AVEN: variants seen among roughly 807,000 people sequenced by gnomAD.
The protein encoded by AVEN is cell death regulator Aven.
A neutral mutation model predicts 38.1 loss-of-function variants in AVEN; 41 were observed. The ratio of observed to expected loss-of-function variants is 1.08; its 90% confidence interval spans 0.84 to 1.40. AVEN has a LOEUF of 1.40. AVEN is among the 40% of genes most tolerant of loss of function. The probability of loss-of-function intolerance (pLI) is 0.00; values close to 1 mark genes in which losing one functional copy is unlikely to be tolerated. For synonymous variants in AVEN, 206 were observed against 171.8 expected, an observed-to-expected ratio of 1.20 and a Z score of -1.56; for missense variants, 605 against 438.8, an observed-to-expected ratio of 1.38 and a Z score of -3.38.
chr15:33,966,355 G>C (rs1485579341), intron 2 of AVEN, among the ~76,000 whole-genome samples: 1 of 152,154 alleles, frequency 6.6e-6, no homozygotes, highest in Non-Finnish European at 1.5e-5. Flanking sequence ...CTTTCAAAAA[G>C]TGATTGGCAC....
chr15:33,861,679 G>C (rs1187305239), downstream of AVEN, among the ~76,000 whole-genome samples: 2 of 152,072 alleles, frequency 1.3e-5, no homozygotes, highest in Non-Finnish European at 2.9e-5. Flanking sequence ...ATTGGGTCTT[G>C]TCAAAGGGGC....
At chr15:33,917,486 TAC>T (rs1249762368) in intron 2 of AVEN, among the ~76,000 whole-genome samples, 7 of 63,764 alleles carry the variant, frequency 1.1e-4, no homozygotes, top group Non-Finnish European at 3.6e-4. Flanking sequence ...CATGGGATAC[TAC>T]ATATATATAC....
intron 11 of AVEN, among the ~76,000 whole-genome samples, chr15:33,860,867 G>A (rs984791722): frequency 3.9e-5 from 6 of 152,140 alleles, no homozygotes; most frequent in Admixed American, 6.5e-5. Flanking sequence ...ATAGGAGGGA[G>A]CAGTATCCTC....
chr15:34,022,350 T>G (rs770863282), intron 1 of AVEN, among the ~76,000 whole-genome samples: 7 of 152,244 alleles, frequency 4.6e-5, no homozygotes, highest in Non-Finnish European at 8.8e-5. Context: ...ATCTCCCTTC[T>G]GCAGCTCTTT....
Position 33,935,163 on chromosome 15 carries a change from T to C in AVEN, c.446-59168A>G, listed in dbSNP as rs149304451. Among the ~76,000 whole-genome samples the C allele has an allele frequency of 1.0e-3, 154 of 152,280 alleles. 1 individual carries two copies. Among genetic ancestry groups the C allele is most frequent in the African/African-American group, 3.5e-3 (147 of 41,562 alleles). On this transcript the variant is annotated intron_variant, in intron 2 of 5. Transcript: ENST00000306730. The stretch of plus-strand genomic sequence containing the variant: ...CTTTCTCCTATTTTGAACCACAATA[T>C]ACAAACTGAAAATCCTGAGACACTT...
chr15:34,053,130 T>C (rs1899990831), intron 5 of AVEN, among the ~76,000 whole-genome samples: 2 of 151,190 alleles, frequency 1.3e-5, no homozygotes, highest in African/African-American at 4.9e-5. Flanking sequence ...TGAAACCCCA[T>C]CTCTACTAAA....
At chr15:34,009,388 CTT>C (rs1373372897) in intron 1 of AVEN, among the ~76,000 whole-genome samples, 1 of 152,120 alleles carries the variant, frequency 6.6e-6, no homozygotes, top group African/African-American at 2.4e-5. Context: ...TATTTCTTCT[CTT>C]GTCTTCCCTT....
intron 2 of AVEN, among the ~76,000 whole-genome samples, chr15:33,983,382 C>A (rs1277137731): frequency 6.6e-6 from 1 of 151,838 alleles, no homozygotes; most frequent in Non-Finnish European, 1.5e-5. Context: ...TAACCCCATT[C>A]AGTTAACATA....
intron 1 of AVEN, among the ~76,000 whole-genome samples, chr15:34,008,877 G>A (rs1431162757): frequency 1.3e-5 from 2 of 151,636 alleles, no homozygotes; most frequent in African/African-American, 2.4e-5. Flanking sequence ...AAAGCTAAAA[G>A]CCAAAAACAA....
At chr15:33,993,651 TTAAACCAACATAA>T (rs1896817864) in intron 2 of AVEN, among the ~76,000 whole-genome samples, 1 of 152,146 alleles carries the variant, frequency 6.6e-6, no homozygotes, top group Non-Finnish European at 1.5e-5. Context: ...AGAATAATTA[TTAAACCAACATAA>T]ATAACAATCA....
intron 2 of AVEN, among the ~76,000 whole-genome samples, chr15:33,925,289 G>A (rs1443207239): frequency 2.0e-5 from 3 of 152,120 alleles, no homozygotes; most frequent in Non-Finnish European, 2.9e-5. Flanking sequence ...ATTAGATGGG[G>A]AGACATCTAC....
At chr15:34,003,682 A>G (rs774822559) in intron 1 of AVEN, among the ~76,000 whole-genome samples, 1 of 152,236 alleles carries the variant, frequency 6.6e-6, no homozygotes, top group African/African-American at 2.4e-5. Context: ...TAACTTAAAC[A>G]TATATTACTA....
intron 2 of AVEN, among the ~76,000 whole-genome samples, chr15:33,914,831 T>C (rs904965088): frequency 6.6e-6 from 1 of 152,026 alleles, no homozygotes; most frequent in African/African-American, 2.4e-5. Context: ...TATGTACATA[T>C]ATGTACACAT....
At chr15:33,896,376 T>C (rs1310524384) in intron 2 of AVEN, among the ~76,000 whole-genome samples, 2 of 152,138 alleles carry the variant, frequency 1.3e-5, no homozygotes, top group Non-Finnish European at 2.9e-5. Context: ...CCCATCGAAT[T>C]CTCCAGGCGT....
chr15:33,935,662 A>T (rs527493463), intron 2 of AVEN, among the ~76,000 whole-genome samples: 1 of 152,132 alleles, frequency 6.6e-6, no homozygotes, highest in African/African-American at 2.4e-5. Context: ...GTGCAAGAGA[A>T]AAAAGGTAGC....
chr15:33,854,202 A>AG (rs1319795809), downstream of AVEN, among the ~76,000 whole-genome samples: 2 of 151,498 alleles, frequency 1.3e-5, no homozygotes, highest in Non-Finnish European at 2.9e-5. Flanking sequence ...TTTCAAAAAA[A>AG]AAAAAAAATT....
downstream of AVEN, chr15:33,856,198 C>T (rs576620100): frequency 2.6e-5 from 4 of 152,194 alleles, no homozygotes; most frequent in African/African-American, 2.4e-5. Context: ...AGTTCTTTCT[C>T]TTTTTTTTCC....
At chr15:33,955,939 A>G (rs1250586130) in intron 2 of AVEN, among the ~76,000 whole-genome samples, 6 of 152,232 alleles carry the variant, frequency 3.9e-5, no homozygotes, top group Non-Finnish European at 7.3e-5. Context: ...ATTAAATTTA[A>G]GACAACTGAA....
intron 2 of AVEN, among the ~76,000 whole-genome samples, chr15:33,901,679 T>A (rs754477994): frequency 2.6e-5 from 4 of 152,190 alleles, no homozygotes; most frequent in Non-Finnish European, 4.4e-5. Flanking sequence ...AACATTTACA[T>A]CTTGACTTTT....
Sources: gnomAD v4.1 joint callset for allele counts (sites outside exome capture counted in the v4.1 genomes callset) on GRCh38, gnomAD v4.1.1 for gene constraint, MANE v1.5 for transcripts, NCBI Gene and HGNC (gene_info 2026-07-23, HGNC 2026-07-21) for gene names.